Variants in ZSWIM6 observed in about 807,000 individuals in gnomAD.
The protein encoded by ZSWIM6 is zinc finger SWIM-type containing 6.
A neutral mutation model predicts 113.2 loss-of-function variants in ZSWIM6; 9 were observed. The ratio of observed to expected loss-of-function variants is 0.08; its 90% CI spans 0.05 to 0.14. ZSWIM6 has a LOEUF of 0.14. ZSWIM6 is among the 10% of genes least tolerant of loss of function. The pLI is 1.00. For missense variants in ZSWIM6, 1,162 were observed against 1,552.2 expected, an observed-to-expected ratio of 0.75 and a Z score of 4.22; for synonymous variants, 611 against 606.5, an observed-to-expected ratio of 1.01 and a Z score of -0.11.
chr5:61,454,809 C>T (rs1302370150), intron 1 of ZSWIM6, among the ~76,000 whole-genome samples: 1 of 151,936 alleles, frequency 6.6e-6, no homozygotes, highest in African/African-American at 2.4e-5. Context: ...GTCTCAAACT[C>T]CTGACCTGAA....
intron 1 of ZSWIM6, among the ~76,000 whole-genome samples, chr5:61,353,897 C>G (rs932057447): frequency 2.6e-5 from 4 of 152,188 alleles, no homozygotes; most frequent in Non-Finnish European, 5.9e-5. Flanking sequence ...ACCTCAGTTA[C>G]TGGAAGGCAC....
intron 1 of ZSWIM6, among the ~76,000 whole-genome samples, chr5:61,364,293 T>C (rs530067946): frequency 2.1e-4 from 32 of 152,298 alleles, no homozygotes; most frequent in African/African-American, 7.2e-4. Flanking sequence ...TTGTAGTTGG[T>C]AGGTTTTTTG....
chr5:61,495,295 A>G, intron 4 of ZSWIM6, among the ~76,000 whole-genome samples: 1 of 152,114 alleles, frequency 6.6e-6, no homozygotes, highest in East Asian at 1.9e-4. Flanking sequence ...CCATGACTGG[A>G]AGGGGTATTT....
intron 1 of ZSWIM6, among the ~76,000 whole-genome samples, chr5:61,400,937 C>T (rs1745929296): frequency 6.6e-6 from 1 of 152,086 alleles, no homozygotes; most frequent in African/African-American, 2.4e-5. Flanking sequence ...TGTTTTTATT[C>T]TTGGTTAGAT....
chr5:61,543,218 G>T lies in ZSWIM6; in HGVS notation c.2786-237G>T, dbSNP rs1480711076. Among the ~76,000 whole-genome samples the T allele has an allele frequency of 1.5e-5, 2 of 136,118 alleles. No individual in the cohort carries two copies. The highest frequency in any genetic ancestry group is 5.2e-5 in the African/African-American group (2 of 38,120). 89.3% of individuals were successfully genotyped at this position (136,118 alleles called of 152,430 possible). ...ACAGTACAAATACCAGCTACCAAGAGGATTGGTTCTTTATTATAGCAAGTT... is the reference window on the plus strand; with the variant it reads ...ACAGTACAAATACCAGCTACCAAGATGATTGGTTCTTTATTATAGCAAGTT... On this transcript the variant is annotated intron_variant, in intron 13 of 13. Transcript: ENST00000252744. This position sits in a 1 kb window ranked among gnomAD's most constrained non-coding sequence, Gnocchi z 4.3.
At chr5:61,494,858 G>C (rs563257004) in intron 4 of ZSWIM6, among the ~76,000 whole-genome samples, 80 of 152,156 alleles carry the variant, frequency 5.3e-4, no homozygotes, top group Non-Finnish European at 9.9e-4. Context: ...TAAATGAACT[G>C]TCGATCCTCA....
chr5:61,334,672 C>T (rs1000936932), intron 1 of ZSWIM6, among the ~76,000 whole-genome samples: 1 of 152,184 alleles, frequency 6.6e-6, no homozygotes, highest in African/African-American at 2.4e-5. Context: ...CTATGTTGGG[C>T]ACTCTTTCCT....
chr5:61,504,848 T>C (rs1168104807), intron 4 of ZSWIM6, among the ~76,000 whole-genome samples: 1 of 152,198 alleles, frequency 6.6e-6, no homozygotes, highest in Non-Finnish European at 1.5e-5. Context: ...ATCTGCTGTT[T>C]ATAGTGCCCT....
chr5:61,458,770 C>A (rs568173331), intron 1 of ZSWIM6, among the ~76,000 whole-genome samples: 1 of 151,232 alleles, frequency 6.6e-6, no homozygotes, highest in East Asian at 1.9e-4. Flanking sequence ...CCCAGCTACT[C>A]GGGAGGCTGA....
chr5:61,424,917 A>G (rs1746434942), intron 1 of ZSWIM6, among the ~76,000 whole-genome samples: 1 of 151,942 alleles, frequency 6.6e-6, no homozygotes. Flanking sequence ...TAGTAGAGAC[A>G]GGGTTTCATT....
chr5:61,374,032 C>A (rs1745319176), intron 1 of ZSWIM6, among the ~76,000 whole-genome samples: 1 of 151,968 alleles, frequency 6.6e-6, no homozygotes, highest in Admixed American at 6.6e-5. Flanking sequence ...TTCTATCTTG[C>A]CTTTTGCTTT....
At chr5:61,529,917 A>G in intron 7 of ZSWIM6, 135 bp from the exon 8 acceptor site, 1 of 754,732 alleles carries the variant, frequency 1.3e-6, no homozygotes, top group East Asian at 2.8e-5. Flanking sequence ...TCTTAATTAA[A>G]AGAGAATTTC....
chr5:61,537,161 T>C (rs1749596900), intron 10 of ZSWIM6, among the ~76,000 whole-genome samples: 1 of 152,236 alleles, frequency 6.6e-6, no homozygotes, highest in African/African-American at 2.4e-5. Context: ...TTCTGGCTTA[T>C]GTAATGGTAT....
intron 1 of ZSWIM6, among the ~76,000 whole-genome samples, chr5:61,381,482 TAAGGC>T (rs1351295635): frequency 6.6e-6 from 1 of 152,192 alleles, no homozygotes; most frequent in Non-Finnish European, 1.5e-5. Context: ...TGAATTTAAA[TAAGGC>T]AAGGTACATC....
chr5:61,511,778 G>A (rs770115245), intron 4 of ZSWIM6, among the ~76,000 whole-genome samples: 1 of 152,062 alleles, frequency 6.6e-6, no homozygotes, highest in Non-Finnish European at 1.5e-5. Context: ...TGTTATAGCA[G>A]CCTAAATAGA....
At chr5:61,495,464 C>T (rs1158390349) in intron 4 of ZSWIM6, among the ~76,000 whole-genome samples, 6 of 152,136 alleles carry the variant, frequency 3.9e-5, no homozygotes, top group Non-Finnish European at 7.4e-5. Context: ...CAGAAGTTGG[C>T]TGTGGACAAG....
chr5:61,536,596 C>G (rs1340324490), intron 10 of ZSWIM6, among the ~76,000 whole-genome samples: 1 of 152,186 alleles, frequency 6.6e-6, no homozygotes, highest in Non-Finnish European at 1.5e-5. Context: ...GAAGTAGATT[C>G]TAAAACAAAT....
chr5:61,437,136 G>T (rs1327820526), intron 1 of ZSWIM6, among the ~76,000 whole-genome samples: 2 of 152,206 alleles, frequency 1.3e-5, no homozygotes, highest in Non-Finnish European at 2.9e-5. Flanking sequence ...CACTAAGATT[G>T]CTTCGGCAGC....
intron 1 of ZSWIM6, among the ~76,000 whole-genome samples, chr5:61,358,737 T>TC (rs529979122): frequency 4.5e-4 from 68 of 152,354 alleles, no homozygotes; most frequent in South Asian, 1.4e-3. Flanking sequence ...TCTTTACATT[T>TC]CTTGAGTTCT....
Sources: gnomAD v4.1 joint callset for allele counts (sites outside exome capture counted in the v4.1 genomes callset) on GRCh38, gnomAD v4.1.1 for gene constraint, Gnocchi (gnomAD v3.1) non-coding constraint, MANE v1.5 for transcripts, NCBI Gene and HGNC (gene_info 2026-07-23, HGNC 2026-07-21) for gene names.